TAFA2: variants seen among roughly 807,000 people sequenced by gnomAD.
TAFA2 encodes the protein chemokine-like protein TAFA-2.
Under a neutral mutation model 18.8 loss-of-function variants are expected in TAFA2, and 7 were observed. That is an observed-to-expected ratio of 0.37 (90% CI 0.21 to 0.70). TAFA2 has a LOEUF of 0.70. Among genes scored for constraint, TAFA2 ranks in the 30% least tolerant of loss-of-function variants. TAFA2 has a pLI of 0.53. For synonymous variants in TAFA2, 60 were observed against 54.2 expected, an observed-to-expected ratio of 1.11 and a Z score of -0.47; for missense variants, 122 against 158.1, an observed-to-expected ratio of 0.77 and a Z score of 1.23.
At chr12:62,242,231 C>T (rs1047591928) in intron 1 of TAFA2, among the ~76,000 whole-genome samples, 1 of 151,754 alleles carries the variant, frequency 6.6e-6, no homozygotes, top group Non-Finnish European at 1.5e-5. Context: ...TACACTGAGA[C>T]ATATTTTATG....
chr12:61,772,156 G>C (rs1000281701), intron 2 of TAFA2, among the ~76,000 whole-genome samples: 15 of 151,556 alleles, frequency 9.9e-5, no homozygotes, highest in African/African-American at 3.6e-4. Flanking sequence ...CTGAAAATAT[G>C]CAACCCTCTA....
At chr12:62,237,641 G>T (rs1357595577) in intron 1 of TAFA2, among the ~76,000 whole-genome samples, 2 of 152,166 alleles carry the variant, frequency 1.3e-5, no homozygotes, top group Non-Finnish European at 2.9e-5. Context: ...ATTTATTCTA[G>T]TCTTTGCTAT....
rs562430882 is a variant in TAFA2, at chr12:62,011,025, G to A, written c.-1-143599C>T. ...TGGGAAGTGGGGGGCGCCTCTGCCCGGCCACCCCATCTGGGAGGTGGGGGG... is the reference window on the plus strand; with the variant it reads ...TGGGAAGTGGGGGGCGCCTCTGCCCAGCCACCCCATCTGGGAGGTGGGGGG... On this transcript the variant is annotated intron_variant, in intron 1 of 4. Transcript: ENST00000416284. 6.4e-4 allele frequency among the ~76,000 whole-genome samples: 88 copies of A among 138,006 alleles called. 8 individuals are homozygous for A. The highest frequency in any genetic ancestry group is 2.1e-3 in the African/African-American group (74 of 35,416). 90.5% of individuals were successfully genotyped at this position (138,006 alleles called of 152,430 possible). A position where few individuals can be genotyped will look rare whatever the true frequency, so the allele number is the denominator to read the frequency against.
chr12:62,088,738 C>A (rs1868572105), intron 1 of TAFA2, among the ~76,000 whole-genome samples: 1 of 151,534 alleles, frequency 6.6e-6, no homozygotes, highest in South Asian at 2.1e-4. Flanking sequence ...GCATCTAAAA[C>A]CAAGAAACAT....
At chr12:61,817,343 G>A (rs928453628) in intron 2 of TAFA2, among the ~76,000 whole-genome samples, 29 of 151,816 alleles carry the variant, frequency 1.9e-4, no homozygotes, top group Admixed American at 1.3e-4. Flanking sequence ...AAAGCAAAAA[G>A]AATAATAATC....
At chr12:62,025,913 C>T (rs1479038498) in intron 1 of TAFA2, among the ~76,000 whole-genome samples, 1 of 151,814 alleles carries the variant, frequency 6.6e-6, no homozygotes, top group East Asian at 1.9e-4. Flanking sequence ...TGCAGAGGAA[C>T]CCAAAATAAA....
intron 1 of TAFA2, among the ~76,000 whole-genome samples, chr12:61,921,566 T>C (rs1446422393): frequency 6.6e-6 from 1 of 151,990 alleles, no homozygotes; most frequent in Non-Finnish European, 1.5e-5. Context: ...TGTGGTGGGG[T>C]ATGATTTGGT....
chr12:61,920,345 A>C (rs1445203434), intron 1 of TAFA2, among the ~76,000 whole-genome samples: 1 of 152,194 alleles, frequency 6.6e-6, no homozygotes, highest in Non-Finnish European at 1.5e-5. Flanking sequence ...CAGAAACTTG[A>C]AACTTCTGGG....
At chr12:62,005,516 T>C (rs779827139) in intron 1 of TAFA2, among the ~76,000 whole-genome samples, 1 of 152,120 alleles carries the variant, frequency 6.6e-6, no homozygotes, top group Non-Finnish European at 1.5e-5. Context: ...TTCAGTTACA[T>C]GCATATAGCA....
At chr12:61,915,968 A>T (rs1876805967) in intron 1 of TAFA2, among the ~76,000 whole-genome samples, 1 of 152,170 alleles carries the variant, frequency 6.6e-6, no homozygotes, top group Non-Finnish European at 1.5e-5. Context: ...AAAATCAACC[A>T]TCACACCATG....
intron 1 of TAFA2, among the ~76,000 whole-genome samples, chr12:61,920,686 T>C (rs996524134): frequency 4.6e-5 from 7 of 152,120 alleles, no homozygotes; most frequent in African/African-American, 1.7e-4. Flanking sequence ...TTTTTGCTTG[T>C]TAACCTTCCT....
At chr12:62,251,837 A>G (rs2062915605) in intron 1 of TAFA2, among the ~76,000 whole-genome samples, 1 of 152,158 alleles carries the variant, frequency 6.6e-6, no homozygotes, top group Non-Finnish European at 1.5e-5. Flanking sequence ...GTGATTCCCA[A>G]AGAAGACTGA....
chr12:61,728,124 G>T (rs151113021), intron 4 of TAFA2, among the ~76,000 whole-genome samples: 147 of 149,578 alleles, frequency 9.8e-4, no homozygotes, highest in African/African-American at 3.4e-3. Flanking sequence ...AATTTATTGA[G>T]ACTTGTTTTG....
chr12:62,181,992 C>CCG (rs1555196468), intron 1 of TAFA2, among the ~76,000 whole-genome samples: 3 of 140,870 alleles, frequency 2.1e-5, no homozygotes, highest in Non-Finnish European at 3.0e-5. Context: ...CAAGTCCATC[C>CCG]CCCCCCCGCT....
At chr12:61,993,521 C>G (rs1011514947) in intron 1 of TAFA2, among the ~76,000 whole-genome samples, 1 of 152,062 alleles carries the variant, frequency 6.6e-6, no homozygotes, top group Non-Finnish European at 1.5e-5. Context: ...TGAAGACACA[C>G]AAATATGTAA....
chr12:62,030,342 T>C (rs1881424025), intron 1 of TAFA2, among the ~76,000 whole-genome samples: 1 of 152,088 alleles, frequency 6.6e-6, no homozygotes, highest in South Asian at 2.1e-4. Flanking sequence ...TCTATATACA[T>C]ATTTAAATGG....
Position 62,165,917 on chromosome 12 carries a change from TTC to T in TAFA2, c.-2+25340_-2+25341del, listed in dbSNP as rs1408498406. On this transcript the variant is annotated intron_variant, in intron 1 of 4. Transcript: ENST00000416284. The stretch of plus-strand genomic sequence containing the variant: ...TTAATACAGTCTCTCTCTCTCTCTC[TTC>T]CTCTCTCTCTCTCTCTCTCTCACAC... Among the ~76,000 whole-genome samples the T allele has an allele frequency of 1.2e-3, 169 of 139,064 alleles. 2 individuals are homozygous for T. The highest frequency in any genetic ancestry group is 4.3e-3 in the African/African-American group (160 of 36,792). 91.2% of individuals were successfully genotyped at this position (139,064 alleles called of 152,430 possible). A position where few individuals can be genotyped will look rare whatever the true frequency, so the allele number is the denominator to read the frequency against.
At chr12:61,729,915 A>G (rs1395247400) in intron 4 of TAFA2, among the ~76,000 whole-genome samples, 1 of 151,960 alleles carries the variant, frequency 6.6e-6, no homozygotes, top group Non-Finnish European at 1.5e-5. Flanking sequence ...CCATGGGGTG[A>G]TCCCTCGATG....
chr12:61,936,544 G>C (rs1877775729), intron 1 of TAFA2, among the ~76,000 whole-genome samples: 2 of 151,632 alleles, frequency 1.3e-5, no homozygotes, highest in African/African-American at 4.8e-5. Context: ...CTCCAGCCTG[G>C]GTGACAGAAT....
Sources: allele counts gnomAD v4.1 joint callset (sites outside exome capture counted in the v4.1 genomes callset), GRCh38; gene constraint gnomAD v4.1.1; transcripts MANE v1.5; gene names NCBI Gene and HGNC (gene_info 2026-07-23, HGNC 2026-07-21).